Variants in ATAD2B observed in about 807,000 individuals in gnomAD.
ATAD2B encodes the protein ATPase family AAA domain-containing protein 2B.
A neutral mutation model predicts 167.6 loss-of-function variants in ATAD2B; 40 were observed. That is an observed-to-expected ratio of 0.24 (90% CI 0.19 to 0.31). ATAD2B has a LOEUF of 0.31. ATAD2B is among the 10% of genes least tolerant of loss of function. ATAD2B has a pLI of 1.00. For synonymous variants in ATAD2B, 579 were observed against 596.5 expected (o/e 0.97, Z 0.43); for missense variants, 1,242 against 1,757.2 (o/e 0.71, Z 5.24).
At chr2:23,809,729 C>T (rs1685256046) in intron 18 of ATAD2B, among the ~76,000 whole-genome samples, 1 of 152,050 alleles carries the variant, frequency 6.6e-6, no homozygotes, top group Admixed American at 6.5e-5. Context: ...ATGTATTAAC[C>T]TCATCCCTAG....
intron 22 of ATAD2B, among the ~76,000 whole-genome samples, chr2:23,769,213 G>A (rs1677915253): frequency 6.6e-6 from 1 of 152,056 alleles, no homozygotes; most frequent in African/African-American, 2.4e-5. Context: ...GGCCAAGGTG[G>A]GTGGATCACG....
chr2:23,750,095 T>G lies in ATAD2B; in HGVS notation c.*1951A>C, dbSNP rs1675191691. On this transcript the variant is annotated 3_prime_UTR_variant, in exon 28 of 28. Transcript: ENST00000238789. The stretch of plus-strand genomic sequence containing the variant: ...TAATGTATTAGACAATAAAATAGTT[T>G]GAATCGGTATGATGGTAATAAATAC... The G allele has an allele frequency of 6.6e-6, 1 of 152,252 alleles. No homozygotes were observed. The highest frequency in any genetic ancestry group is 1.5e-5 in the Non-Finnish European group (1 of 68,006). 9.4% of individuals were successfully genotyped at this position (152,252 alleles called of 1,614,324 possible). A position where few individuals can be genotyped will look rare whatever the true frequency, so the allele number is the denominator to read the frequency against.
rs564818379 is a variant in ATAD2B, at chr2:23,830,859, T to TAA, written c.1729-1922_1729-1921dup. 7.3e-3 allele frequency among the ~76,000 whole-genome samples: 1,095 copies of TAA among 149,056 alleles called. 19 individuals are homozygous for TAA. Among genetic ancestry groups the TAA allele is most frequent in the African/African-American group, 0.025 (1,031 of 40,770 alleles). ...AGACCCTTAAAAAATAAAGAACATG[T>TAA]AAAAAAAAAATTATGCTGGAAGATA... On this transcript the variant is annotated intron_variant, in intron 14 of 27. Coordinates refer to ENST00000238789, the MANE Select transcript of ATAD2B (RefSeq NM_017552.4).
At chr2:23,898,368 T>C (rs533396320) in intron 1 of ATAD2B, among the ~76,000 whole-genome samples, 3 of 152,364 alleles carry the variant, frequency 2.0e-5, no homozygotes, top group African/African-American at 7.2e-5. Flanking sequence ...CACTCCTTTA[T>C]ACTGACTCCA....
intron 8 of ATAD2B, chr2:23,873,108 T>C: frequency 4.7e-6 from 2 of 426,600 alleles, no homozygotes; most frequent in Non-Finnish European, 8.8e-6. Flanking sequence ...TCTTTGCAAT[T>C]TTGATATTTA....
chr2:23,857,463 A>T lies in ATAD2B; in HGVS notation c.1520T>A (p.Ile507Lys). ...AGAGCGAACTGGAGCTAATCCATCT[A>T]TTTCATCAAAAAATATTATAGAAGG... The part of the protein sequence containing the change: ...MRPSIIFFDE[I>K]DGLAPVRSSR... The change falls in exon 13 of 28, where the codon ATA becomes AAA. Residue 507 changes from isoleucine to lysine, a missense_variant. Around this residue, in one of 9 missense-constraint regions of ATAD2B, gnomAD observed 151 missense variants for 284.1 expected, o/e 0.53. Transcript: ENST00000238789. 6.6e-7 allele frequency: 1 copy of T among 1,516,310 alleles called. No homozygotes were observed. The highest frequency in any genetic ancestry group is 2.4e-5 in the Admixed American group (1 of 41,496). The allele number at this position is 1,516,310 out of a possible 1,614,324, so 93.9% of individuals were successfully genotyped here.
At chr2:23,917,834 G>A (rs1020039613) in intron 1 of ATAD2B, among the ~76,000 whole-genome samples, 4 of 151,962 alleles carry the variant, frequency 2.6e-5, no homozygotes, top group African/African-American at 9.7e-5. Flanking sequence ...CAAGCCGGGG[G>A]GATCACCTGA....
intron 19 of ATAD2B, among the ~76,000 whole-genome samples, chr2:23,789,204 T>C (rs1487272287): frequency 6.6e-6 from 1 of 152,102 alleles, no homozygotes; most frequent in African/African-American, 2.4e-5. Flanking sequence ...CCAATTATTC[T>C]CATATCCTTC....
At chr2:23,878,159 G>A (rs943250663) in intron 7 of ATAD2B, among the ~76,000 whole-genome samples, 2 of 151,660 alleles carry the variant, frequency 1.3e-5, no homozygotes, top group African/African-American at 4.8e-5. Flanking sequence ...ACAAGAGTTC[G>A]AGATCAGCCT....
At chr2:23,926,449 C>G in intron 1 of ATAD2B, 106 bp downstream of exon 1, 1 of 1,435,918 alleles carries the variant, frequency 7.0e-7, no homozygotes, top group Non-Finnish European at 9.1e-7. Context: ...TCCAGCCGCC[C>G]GAGCGGTCTC....
chr2:23,920,942 T>G (rs952964014), intron 1 of ATAD2B, among the ~76,000 whole-genome samples: 1 of 152,100 alleles, frequency 6.6e-6, no homozygotes, highest in African/African-American at 2.4e-5. Context: ...TGGTGGCTCA[T>G]GCCTGTAACC....
chr2:23,791,516 T>C (rs903144457), intron 19 of ATAD2B, among the ~76,000 whole-genome samples: 4 of 152,098 alleles, frequency 2.6e-5, no homozygotes, highest in African/African-American at 7.2e-5. Context: ...GCAATTACTC[T>C]TGCCCAACCT....
At chr2:23,804,208 G>A (rs995912611) in intron 18 of ATAD2B, among the ~76,000 whole-genome samples, 2 of 152,086 alleles carry the variant, frequency 1.3e-5, no homozygotes, top group African/African-American at 4.8e-5. Context: ...TTATGTAACA[G>A]CTTCTTCTTG....
intron 7 of ATAD2B, among the ~76,000 whole-genome samples, chr2:23,878,019 A>AAAAAAAAAAAAAAAAAAAAAAAAG: frequency 7.2e-6 from 1 of 138,878 alleles, no homozygotes; most frequent in Non-Finnish European, 1.6e-5. Context: ...CCAAAGAAAA[A>AAAAAAAAAAAAAAAAAAAAAAAAG]AAAAAAAAAA....
At chr2:23,917,578 C>A (rs912458344) in intron 1 of ATAD2B, among the ~76,000 whole-genome samples, 3 of 151,858 alleles carry the variant, frequency 2.0e-5, no homozygotes, top group African/African-American at 7.3e-5. Context: ...CCACAAGGCC[C>A]AGACTCTCAG....
At chr2:23,763,474 G>T in intron 23 of ATAD2B, among the ~76,000 whole-genome samples, 1 of 152,112 alleles carries the variant, frequency 6.6e-6, no homozygotes, top group East Asian at 1.9e-4. Context: ...ACTGTCCCAG[G>T]CAATGACTAC....
intron 17 of ATAD2B, among the ~76,000 whole-genome samples, chr2:23,818,399 A>G (rs900673598): frequency 6.6e-6 from 1 of 150,526 alleles, no homozygotes; most frequent in Admixed American, 6.6e-5. Flanking sequence ...TGGCTTTCCC[A>G]TAACTATCAA....
the ATAD2B span, among the ~76,000 whole-genome samples, chr2:23,733,685 A>T: frequency 6.6e-6 from 1 of 152,108 alleles, no homozygotes; most frequent in Non-Finnish European, 1.5e-5. Flanking sequence ...CCCAGGCAGA[A>T]ACCTAAGAGC....
At chr2:23,860,025 TGA>T (rs1694098238) in intron 12 of ATAD2B, among the ~76,000 whole-genome samples, 9 of 151,150 alleles carry the variant, frequency 6.0e-5, no homozygotes, top group African/African-American at 2.2e-4. Flanking sequence ...GTGTAGGTCT[TGA>T]GGCCTCCACC....
Sources: allele counts gnomAD v4.1 joint callset (sites outside exome capture counted in the v4.1 genomes callset), GRCh38; gene constraint gnomAD v4.1.1; regional missense constraint gnomAD v4.1.1; transcripts MANE v1.5; gene names NCBI Gene and HGNC (gene_info 2026-07-23, HGNC 2026-07-21).